Variants in SYNE1 observed in about 807,000 individuals in gnomAD.
The protein encoded by SYNE1 is nesprin-1.
Under a neutral mutation model 1,111.0 loss-of-function variants are expected in SYNE1, and 616 were observed. That is an observed-to-expected ratio of 0.55 (90% CI 0.52 to 0.59). The LOEUF (loss-of-function observed/expected upper bound fraction) is 0.59. SYNE1 is among the 20% of genes least tolerant of loss of function. The pLI is 0.00. For synonymous variants in SYNE1, 3,855 were observed against 3,825.8 expected, an observed-to-expected ratio of 1.01 and a Z score of -0.28; for missense variants, 10,006 against 10,417.0, an observed-to-expected ratio of 0.96 and a Z score of 1.72.
At chr6:152,222,417 T>C (rs193234965) in intron 117 of SYNE1, among the ~76,000 whole-genome samples, 34 of 152,342 alleles carry the variant, frequency 2.2e-4, no homozygotes, top group African/African-American at 7.7e-4. Flanking sequence ...TTTTGTTACA[T>C]ACCCGCAGTG....
chr6:152,488,538 T>A (rs753007844), intron 11 of SYNE1, 35 bp from the exon 12 acceptor site: 3 of 1,148,118 alleles, frequency 2.6e-6, no homozygotes, highest in Admixed American at 3.5e-5. Context: ...TTTATTAGTA[T>A]CTGTGCATTT....
intron 10 of SYNE1, 95 bp downstream of exon 10, chr6:152,502,538 G>T: frequency 1.1e-6 from 1 of 915,124 alleles, no homozygotes; most frequent in Non-Finnish European, 1.8e-6. Context: ...ATATTAAAAT[G>T]CATTCAAATT....
At chr6:152,209,620 C>T (rs565474548) in intron 124 of SYNE1, among the ~76,000 whole-genome samples, 1 of 151,968 alleles carries the variant, frequency 6.6e-6, no homozygotes, top group African/African-American at 2.4e-5. Context: ...CGTGGTGGTG[C>T]GTGCCTGTAT....
intron 86 of SYNE1, 99 bp from the exon 87 acceptor site, chr6:152,317,085 T>C: frequency 2.9e-6 from 4 of 1,369,798 alleles, no homozygotes; most frequent in Non-Finnish European, 4.1e-6. Context: ...GTCTTAGGGG[T>C]TGATCATTAT....
At chr6:152,541,747 CAA>C (rs1267855271) in intron 3 of SYNE1, among the ~76,000 whole-genome samples, 15 of 60,270 alleles carry the variant, frequency 2.5e-4, no homozygotes, top group South Asian at 6.1e-4. Flanking sequence ...GACTCCATCT[CAA>C]AAAAAAAAAA....
intron 101 of SYNE1, among the ~76,000 whole-genome samples, chr6:152,260,089 G>T (rs1174248417): frequency 6.6e-6 from 1 of 152,150 alleles, no homozygotes; most frequent in Non-Finnish European, 1.5e-5. Context: ...ACCTCCAGGA[G>T]GTCTGCAGAT....
At chr6:152,200,274 C>T (rs992482122) in intron 127 of SYNE1, among the ~76,000 whole-genome samples, 4 of 152,152 alleles carry the variant, frequency 2.6e-5, no homozygotes, top group African/African-American at 9.7e-5. Context: ...CTCAGTTTTC[C>T]CTTCTGAAAA....
chr6:152,543,578 C>T (rs898984621), intron 3 of SYNE1, among the ~76,000 whole-genome samples: 1 of 152,092 alleles, frequency 6.6e-6, no homozygotes. Context: ...ATGCTGTTGA[C>T]AGGGAACAAA....
intron 3 of SYNE1, among the ~76,000 whole-genome samples, chr6:152,547,566 C>A (rs1442424619): frequency 6.6e-6 from 1 of 152,040 alleles, no homozygotes; most frequent in African/African-American, 2.4e-5. Context: ...TTTGCAGACA[C>A]AAGGCAGAGG....
chr6:152,548,625 C>A (rs1208283173), intron 3 of SYNE1, among the ~76,000 whole-genome samples: 1 of 152,170 alleles, frequency 6.6e-6, no homozygotes, highest in African/African-American at 2.4e-5. Flanking sequence ...GGACTTAGAG[C>A]TTGATGCCAA....
intron 66 of SYNE1, 101 bp from the exon 67 acceptor site, chr6:152,355,077 T>C: frequency 7.6e-7 from 1 of 1,307,440 alleles, no homozygotes. Flanking sequence ...GAACTTCTCA[T>C]TAGAAAAAAA....
chr6:152,250,974 G>A (rs1411970820), intron 104 of SYNE1, among the ~76,000 whole-genome samples: 1 of 152,106 alleles, frequency 6.6e-6, no homozygotes, highest in Non-Finnish European at 1.5e-5. Context: ...TTTTGAGACA[G>A]AGTCTTGCTC....
intron 22 of SYNE1, chr6:152,456,775 T>A: frequency 2.2e-6 from 1 of 447,132 alleles, no homozygotes; most frequent in Non-Finnish European, 4.5e-6. Context: ...TGGCTTGAAT[T>A]ACACCATTTG....
intron 3 of SYNE1, among the ~76,000 whole-genome samples, chr6:152,604,409 C>T (rs1446760544): frequency 6.6e-6 from 1 of 151,988 alleles, no homozygotes; most frequent in Non-Finnish European, 1.5e-5. Context: ...CTCAGGTGAT[C>T]CTCCCATCTC....
At chr6:152,352,697 C>A (rs1407453554) in intron 69 of SYNE1, among the ~76,000 whole-genome samples, 1 of 152,196 alleles carries the variant, frequency 6.6e-6, no homozygotes, top group Non-Finnish European at 1.5e-5. Flanking sequence ...AGCCACTGTG[C>A]CTGGCCATTT....
At chr6:152,223,604 C>G (rs1168091000) in intron 117 of SYNE1, among the ~76,000 whole-genome samples, 1 of 146,362 alleles carries the variant, frequency 6.8e-6, no homozygotes, top group Non-Finnish European at 1.5e-5. Flanking sequence ...GGCGACAGAG[C>G]GAGACTCTGT....
At chr6:152,195,510 C>A (rs1408410014) in intron 127 of SYNE1, among the ~76,000 whole-genome samples, 2 of 152,116 alleles carry the variant, frequency 1.3e-5, no homozygotes, top group African/African-American at 4.8e-5. Flanking sequence ...AAATCTGCAT[C>A]ATGGGGCACC....
At chr6:152,526,051 C>CA in intron 5 of SYNE1, 29 bp downstream of exon 5, 1 of 1,599,314 alleles carries the variant, frequency 6.3e-7, no homozygotes, top group South Asian at 1.1e-5. Context: ...AACAATTTGA[C>CA]AAGTATGATC....
intron 3 of SYNE1, among the ~76,000 whole-genome samples, chr6:152,563,678 C>A (rs1033854799): frequency 1.3e-4 from 20 of 152,076 alleles, no homozygotes; most frequent in East Asian, 5.8e-4. Flanking sequence ...AATCGTCCAA[C>A]TTACAAAAAC....
Sources: allele counts gnomAD v4.1 joint callset (sites outside exome capture counted in the v4.1 genomes callset), GRCh38; gene constraint gnomAD v4.1.1; transcripts MANE v1.5; gene names NCBI Gene and HGNC (gene_info 2026-07-23, HGNC 2026-07-21).